Variants in SLC14A2 observed in about 807,000 individuals in gnomAD.
The protein encoded by SLC14A2 is solute carrier family 14 member 2.
Under a neutral mutation model 104.6 loss-of-function variants are expected in SLC14A2, and 91 were observed. The ratio of observed to expected loss-of-function variants is 0.87; its 90% CI spans 0.73 to 1.04. The LOEUF (loss-of-function observed/expected upper bound fraction) is 1.04. SLC14A2 is among the 50% of genes least tolerant of loss of function. SLC14A2 has a pLI of 0.00. For missense variants in SLC14A2, 1,189 were observed against 1,156.0 expected (o/e 1.03, Z -0.41); for synonymous variants, 476 against 466.4 (o/e 1.02, Z -0.27).
At chr18:45,194,699 G>C in the SLC14A2 span, among the ~76,000 whole-genome samples, 1 of 145,244 alleles carries the variant, frequency 6.9e-6, no homozygotes, top group Non-Finnish European at 1.5e-5. Context: ...AGGCTGGAGT[G>C]CAGTGGTGCG....
chr18:45,664,017 C>A, intron 11 of SLC14A2, 110 bp downstream of exon 11: 1 of 1,145,688 alleles, frequency 8.7e-7, no homozygotes, highest in South Asian at 1.6e-5. Context: ...CCGCTGGAGT[C>A]AGACTTGACC....
intron 6 of SLC14A2, among the ~76,000 whole-genome samples, chr18:45,638,412 C>A (rs982551108): frequency 6.6e-6 from 1 of 152,114 alleles, no homozygotes; most frequent in Non-Finnish European, 1.5e-5. Context: ...ATACTTATTC[C>A]AGAATTAAAT....
At chr18:45,620,780 T>G (rs182030175) in intron 1 of SLC14A2, among the ~76,000 whole-genome samples, 89 of 152,346 alleles carry the variant, frequency 5.8e-4, no homozygotes, top group African/African-American at 2.0e-3. Context: ...TTTCCTTGAT[T>G]ATATGATGTA....
At chr18:45,436,922 A>C (rs1026931134) in intron 1 of SLC14A2, among the ~76,000 whole-genome samples, 7 of 152,318 alleles carry the variant, frequency 4.6e-5, no homozygotes, top group Admixed American at 4.6e-4. Flanking sequence ...CTGAGATTCA[A>C]ATGTCAAAGG....
chr18:45,422,163 CT>C (rs1435294989), intron 1 of SLC14A2, among the ~76,000 whole-genome samples: 13 of 152,114 alleles, frequency 8.5e-5, no homozygotes, highest in African/African-American at 3.1e-4. Flanking sequence ...AGTAGCATGA[CT>C]AATGAGGTGT....
chr18:45,544,781 A>C (rs1278884372), intron 2 of SLC14A2, among the ~76,000 whole-genome samples: 1 of 148,150 alleles, frequency 6.7e-6, no homozygotes, highest in African/African-American at 2.5e-5. Flanking sequence ...ATTTATCAAT[A>C]ATGTCTTTTT....
intron 2 of SLC14A2, among the ~76,000 whole-genome samples, chr18:45,522,392 T>C (rs1351162198): frequency 6.6e-6 from 1 of 152,164 alleles, no homozygotes; most frequent in South Asian, 2.1e-4. Context: ...ACCCTTGACA[T>C]TGCAGACCTG....
chr18:45,306,757 G>A (rs527914644), intron 1 of SLC14A2, among the ~76,000 whole-genome samples: 63 of 152,230 alleles, frequency 4.1e-4, no homozygotes, highest in African/African-American at 1.4e-3. Context: ...ATTATCTCGG[G>A]AACCCGCTTC....
chr18:45,640,657 T>C (rs919218775), intron 7 of SLC14A2, among the ~76,000 whole-genome samples: 1 of 152,142 alleles, frequency 6.6e-6, no homozygotes, highest in Non-Finnish European at 1.5e-5. Context: ...AAGCAAAACT[T>C]TAAAAAGTAT....
At position 45,321,247 on chromosome 18, in the gene SLC14A2, C is replaced by T. The variant is rs189518761; in HGVS notation, c.-125+108056C>T. 3.4e-3 allele frequency among the ~76,000 whole-genome samples: 513 copies of T among 152,280 alleles called. 3 individuals are homozygous for T. Among genetic ancestry groups the T allele is most frequent in the Non-Finnish European group, 3.9e-3 (263 of 68,038 alleles). On this transcript the variant is annotated intron_variant, in intron 1 of 20. Transcript: ENST00000586448. ...ATCAGCAGTTGATACAAGATTACTA[C>T]GGGATTATTAAGCATACTAAGGCTC...
chr18:45,184,877 C>T, the SLC14A2 span, among the ~76,000 whole-genome samples: 1 of 152,178 alleles, frequency 6.6e-6, no homozygotes, highest in East Asian at 1.9e-4. Flanking sequence ...TTCACCTATG[C>T]CTGTGGGTTG....
In SLC14A2 at chr18:45,639,778, G is replaced by C. The variant is rs1389113194; in HGVS notation, c.876G>C (p.Gln292His). The change falls in exon 7 of 20, where the codon CAG becomes CAC. Residue 292 changes from glutamine (Q) to histidine (H), a missense_variant. Transcript: ENST00000255226. Reference sequence around the variant, plus strand: ...AAGCCATCCCTGTTGGGGTCGGCCAGGTGTATGGCTGTGACAATCCCTGGA... The same window carrying C: ...AAGCCATCCCTGTTGGGGTCGGCCACGTGTATGGCTGTGACAATCCCTGGA... Reference protein sequence around the residue: ...LLQAIPVGVGQVYGCDNPWTG... With the variant: ...LLQAIPVGVGHVYGCDNPWTG... 1.9e-6 allele frequency: 3 copies of C among 1,613,990 alleles called. No individual in the cohort carries two copies. Among genetic ancestry groups the C allele is most frequent in the Middle Eastern group, 1.6e-4 (1 of 6,062 alleles).
chr18:45,673,804 C>T lies in SLC14A2; in HGVS notation c.2499C>T (p.Leu833=), dbSNP rs760645218. 5 of 1,614,102 alleles carry T rather than the reference C, an allele frequency of 3.1e-6. No individual in the cohort carries two copies. Among genetic ancestry groups the T allele is most frequent in the Non-Finnish European group, 4.2e-6 (5 of 1,179,924 alleles). ...FYVITWQTHL[L]AIACALFAAY... is the part of the protein sequence containing the mutation. ...TCATCACCTGGCAGACGCACCTCCTCGCCATCGCCTGCGGTAGGTACTCCC... is the reference window on the plus strand; with the variant it reads ...TCATCACCTGGCAGACGCACCTCCTTGCCATCGCCTGCGGTAGGTACTCCC... Residue 833 remains leucine (L), a synonymous_variant, in exon 18 of 20, where the codon CTC becomes CTT. Coordinates refer to ENST00000255226, the MANE Select transcript of SLC14A2 (RefSeq NM_007163.4).
At chr18:45,539,149 G>A (rs1446480268) in intron 2 of SLC14A2, among the ~76,000 whole-genome samples, 2 of 152,094 alleles carry the variant, frequency 1.3e-5, no homozygotes, top group East Asian at 3.9e-4. Context: ...GAGCCCAGAG[G>A]AAAGAGCAAT....
At chr18:45,320,305 G>A (rs577036727) in intron 1 of SLC14A2, among the ~76,000 whole-genome samples, 58 of 152,208 alleles carry the variant, frequency 3.8e-4, no homozygotes, top group African/African-American at 1.2e-3. Flanking sequence ...TGAGTTTAAA[G>A]CTTTGTACCC....
intron 1 of SLC14A2, among the ~76,000 whole-genome samples, chr18:45,470,337 A>T (rs551991943): frequency 6.6e-6 from 1 of 152,004 alleles, no homozygotes; most frequent in Non-Finnish European, 1.5e-5. Flanking sequence ...CTTTCCAGTC[A>T]CTTTATTTTA....
chr18:45,660,038 C>T (rs1469267887), intron 10 of SLC14A2, among the ~76,000 whole-genome samples: 2 of 151,782 alleles, frequency 1.3e-5, no homozygotes, highest in African/African-American at 4.8e-5. Flanking sequence ...AATGCTAAGG[C>T]AGAAGGATCA....
At chr18:45,576,360 T>G (rs1354542638) in intron 2 of SLC14A2, among the ~76,000 whole-genome samples, 3 of 144,332 alleles carry the variant, frequency 2.1e-5, no homozygotes, top group Admixed American at 7.3e-5. Context: ...CTCGGCTCAC[T>G]GTAACCTCCG....
intron 2 of SLC14A2, among the ~76,000 whole-genome samples, chr18:45,582,935 C>T (rs1005679340): frequency 9.2e-5 from 14 of 152,146 alleles, no homozygotes; most frequent in Non-Finnish European, 1.8e-4. Context: ...GAGGTGTCTC[C>T]AGGTACAGTC....
Sources: gnomAD v4.1 joint callset for allele counts (sites outside exome capture counted in the v4.1 genomes callset) on GRCh38, gnomAD v4.1.1 for gene constraint, MANE v1.5 for transcripts, NCBI Gene and HGNC (gene_info 2026-07-23, HGNC 2026-07-21) for gene names.